MARCHF5: variants seen among roughly 807,000 people sequenced by gnomAD.
The protein encoded by MARCHF5 is E3 ubiquitin-protein ligase MARCHF5.
A neutral mutation model predicts 36.5 loss-of-function variants in MARCHF5; 5 were observed. The ratio of observed to expected loss-of-function variants is 0.14; its 90% CI spans 0.07 to 0.29. The LOEUF is 0.29. MARCHF5 is among the 10% of genes least tolerant of loss of function. The pLI is 1.00. For synonymous variants in MARCHF5, 103 were observed against 109.9 expected (o/e 0.94, Z 0.39); for missense variants, 179 against 336.3 (o/e 0.53, Z 3.66).
intron 3 of MARCHF5, among the ~76,000 whole-genome samples, chr10:92,347,523 T>TAGATGATAGATA (rs58664499): frequency 1.1e-3 from 97 of 86,906 alleles, no homozygotes; most frequent in East Asian, 1.6e-3. Context: ...GATAGATAGA[T>TAGATGATAGATA]GATAGATATA....
At chr10:92,335,113 A>G (rs1313286661) in intron 2 of MARCHF5, among the ~76,000 whole-genome samples, 1 of 152,180 alleles carries the variant, frequency 6.6e-6, no homozygotes, top group Non-Finnish European at 1.5e-5. Flanking sequence ...GCCCCTATAT[A>G]TTTAACTTGT....
At chr10:92,345,834 A>G (rs1408795541) in intron 3 of MARCHF5, among the ~76,000 whole-genome samples, 2 of 151,684 alleles carry the variant, frequency 1.3e-5, no homozygotes, top group African/African-American at 4.8e-5. Context: ...AGCTGGGACT[A>G]CATACACATG....
intron 1 of MARCHF5, among the ~76,000 whole-genome samples, chr10:92,301,906 A>G (rs1843018709): frequency 6.6e-6 from 1 of 152,010 alleles, no homozygotes; most frequent in African/African-American, 2.4e-5. Flanking sequence ...TAAAAATACA[A>G]AAAAATTAGC....
chr10:92,319,426 G>A (rs1335851003), intron 2 of MARCHF5, among the ~76,000 whole-genome samples: 2 of 150,966 alleles, frequency 1.3e-5, no homozygotes, highest in Non-Finnish European at 2.9e-5. Flanking sequence ...CTCCCGTGTA[G>A]CTGGGACTAC....
intron 2 of MARCHF5, among the ~76,000 whole-genome samples, chr10:92,314,154 T>C (rs1486772505): frequency 6.6e-6 from 1 of 151,310 alleles, no homozygotes; most frequent in Non-Finnish European, 1.5e-5. Context: ...TGGGGCTGCA[T>C]TGAGCTATGA....
At chr10:92,308,897 G>C (rs574333405) in intron 1 of MARCHF5, among the ~76,000 whole-genome samples, 5 of 152,040 alleles carry the variant, frequency 3.3e-5, no homozygotes, top group African/African-American at 9.7e-5. Flanking sequence ...AGTAGAGACA[G>C]GGTTTCACCG....
At chr10:92,318,582 G>A (rs935020971) in intron 2 of MARCHF5, among the ~76,000 whole-genome samples, 7 of 151,722 alleles carry the variant, frequency 4.6e-5, no homozygotes, top group African/African-American at 1.7e-4. Context: ...AATTAGCCAG[G>A]TATGGTGGTG....
intron 3 of MARCHF5, among the ~76,000 whole-genome samples, chr10:92,347,532 T>TGATAG (rs1843663431): frequency 8.3e-6 from 1 of 119,820 alleles, no homozygotes; most frequent in African/African-American, 3.5e-5. Context: ...ATGATAGATA[T>TGATAG]ATAGATAGAT....
intron 3 of MARCHF5, 87 bp from the exon 4 acceptor site, chr10:92,349,262 A>G: frequency 2.0e-6 from 2 of 976,996 alleles, no homozygotes; most frequent in African/African-American, 1.6e-5. Context: ...TTTGAAATTA[A>G]GCATTTTCTA....
Position 92,291,467 on chromosome 10 carries a change from A to G in MARCHF5, c.-28A>G, listed in dbSNP as rs889397084. The G allele has an allele frequency of 2.0e-6, 3 of 1,537,934 alleles. No individual in the cohort carries two copies. The African/African-American group carries it at 4.1e-5, about 21-fold the overall frequency. ...CTGGCCTTGAGCGGGTCCACTGGGGAAGGCCGTGTGCGCCGGCTCCGCGGA... is the reference window on the plus strand; with the variant it reads ...CTGGCCTTGAGCGGGTCCACTGGGGGAGGCCGTGTGCGCCGGCTCCGCGGA... On this transcript the variant is annotated 5_prime_UTR_variant, in exon 1 of 6. Transcript: ENST00000358935.
At chr10:92,349,615 G>A in intron 4 of MARCHF5, 56 bp from the exon 5 acceptor site, 1 of 1,598,502 alleles carries the variant, frequency 6.3e-7, no homozygotes, top group Non-Finnish European at 8.5e-7. Context: ...CATGTTTGAA[G>A]GTAGTCTAAC....
chr10:92,316,713 C>T (rs1009544259), intron 2 of MARCHF5, among the ~76,000 whole-genome samples: 1 of 150,410 alleles, frequency 6.6e-6, no homozygotes, highest in African/African-American at 2.4e-5. Flanking sequence ...CAGGCACGTG[C>T]CACCACACCC....
intron 2 of MARCHF5, among the ~76,000 whole-genome samples, chr10:92,324,759 G>A (rs992296455): frequency 6.6e-6 from 1 of 151,636 alleles, no homozygotes; most frequent in Non-Finnish European, 1.5e-5. Flanking sequence ...TGATTATTTA[G>A]GAATGTAGTG....
intron 3 of MARCHF5, among the ~76,000 whole-genome samples, chr10:92,345,790 G>A (rs2135219055): frequency 6.6e-6 from 1 of 150,810 alleles, no homozygotes; most frequent in Middle Eastern, 3.4e-3. Flanking sequence ...AACTCCCTGG[G>A]CTCAGGTGAT....
intron 1 of MARCHF5, among the ~76,000 whole-genome samples, chr10:92,291,847 C>A (rs1040679287): frequency 6.6e-6 from 1 of 151,792 alleles, no homozygotes; most frequent in Non-Finnish European, 1.5e-5. Flanking sequence ...CCTTCCCCCT[C>A]CCCAACTTGT....
chr10:92,338,618 C>T (rs957170640), intron 2 of MARCHF5, among the ~76,000 whole-genome samples: 3 of 152,158 alleles, frequency 2.0e-5, no homozygotes, highest in Non-Finnish European at 1.5e-5. Context: ...AGTCCTTTGA[C>T]ATCTCTTCTA....
chr10:92,341,606 T>C (rs752102750), intron 3 of MARCHF5, among the ~76,000 whole-genome samples: 2 of 152,146 alleles, frequency 1.3e-5, no homozygotes, highest in Non-Finnish European at 2.9e-5. Flanking sequence ...TTTTTGTGTG[T>C]TCAGGTCTTT....
At chr10:92,310,618 T>C (rs2135185942) in intron 1 of MARCHF5, among the ~76,000 whole-genome samples, 1 of 152,298 alleles carries the variant, frequency 6.6e-6, no homozygotes. Context: ...TTGTTTTCTC[T>C]CATGTTTATA....
At chr10:92,338,328 T>TTATA (rs1338038093) in intron 2 of MARCHF5, among the ~76,000 whole-genome samples, 6 of 152,186 alleles carry the variant, frequency 3.9e-5, no homozygotes, top group Admixed American at 1.3e-4. Context: ...TCTGAAGGAG[T>TTATA]TATAAACTTA....
Sources: gnomAD v4.1 joint callset for allele counts (sites outside exome capture counted in the v4.1 genomes callset) on GRCh38, gnomAD v4.1.1 for gene constraint, MANE v1.5 for transcripts, NCBI Gene and HGNC (gene_info 2026-07-23, HGNC 2026-07-21) for gene names.